RPS6KB2: variants seen among roughly 807,000 people sequenced by gnomAD.
RPS6KB2 encodes the protein ribosomal protein S6 kinase beta-2.
A neutral mutation model predicts 58.2 loss-of-function variants in RPS6KB2; 51 were observed. The observed-to-expected ratio is 0.88, with a 90% CI of 0.70 to 1.11. RPS6KB2 has a LOEUF of 1.11. Ranked by LOEUF, RPS6KB2 falls within the 50% of genes least tolerant of loss-of-function variation. The pLI is 0.00. For synonymous variants in RPS6KB2, 293 were observed against 258.6 expected, an observed-to-expected ratio of 1.13 and a Z score of -1.28; for missense variants, 671 against 655.8, an observed-to-expected ratio of 1.02 and a Z score of -0.25.
In RPS6KB2 at chr11:67,433,016, C is replaced by A; in HGVS notation, c.681C>A (p.His227Gln). 1 of 1,613,454 alleles carries A rather than the reference C, an allele frequency of 6.2e-7. No individual in the cohort carries two copies. Among genetic ancestry groups the A allele is most frequent in the Non-Finnish European group, 8.5e-7 (1 of 1,180,038 alleles). Residue 227 changes from histidine to glutamine, a missense_variant, in exon 8 of 15, where the codon CAC becomes CAA. Transcript: ENST00000312629. ...KESIHEGAVT[H>Q]TFCGTIEYMA... ...CTATCCATGAGGGCGCCGTCACTCACACCTTCTGCGGCACCATTGAGTACA... is the reference window on the plus strand; with the variant it reads ...CTATCCATGAGGGCGCCGTCACTCAAACCTTCTGCGGCACCATTGAGTACA...
Position 67,434,628 on chromosome 11 carries a change from G to T in RPS6KB2, c.1202G>T (p.Gly401Val). 6.2e-7 allele frequency: 1 copy of T among 1,610,132 alleles called. No homozygotes were observed. The change falls in exon 14 of 15, where the codon GGC becomes GTC. Residue 401 changes from glycine (G) to valine (V), a missense_variant. Gly to Val is a moderately radical substitution (Grantham distance 109). Coordinates refer to ENST00000312629, the MANE Select transcript of RPS6KB2 (RefSeq NM_003952.3). Reference protein sequence around the residue: ...APSVLDSIKEGFSFQPKLRSP... With the variant: ...APSVLDSIKEVFSFQPKLRSP... Reference sequence around the variant, plus strand: ...TCTGTCCTGGACAGCATCAAGGAGGGCTTCTCCTTCCAGCCCAAGCTGCGC... The same window carrying T: ...TCTGTCCTGGACAGCATCAAGGAGGTCTTCTCCTTCCAGCCCAAGCTGCGC...
rs985898691 is a variant in RPS6KB2 at position 67,431,685 on chromosome 11, C to T, written c.457+170C>T. 3 of 617,256 alleles carry T rather than the reference C, an allele frequency of 4.9e-6. No homozygotes were observed. The East Asian group carries it at 8.4e-5, about 17-fold the overall frequency. 38.2% of individuals were successfully genotyped at this position (617,256 alleles called of 1,614,324 possible). Reference sequence around the variant, plus strand: ...CCATCCGTGCATCCGTCCCATCATTCATTCATTCAGCAAACGTCTGTCCAG... The same window carrying T: ...CCATCCGTGCATCCGTCCCATCATTTATTCATTCAGCAAACGTCTGTCCAG... On this transcript the variant is annotated intron_variant, in intron 5 of 14. Transcript: ENST00000312629.
Position 67,429,182 on chromosome 11 carries a change from G to T in RPS6KB2, c.182G>T (p.Arg61Leu). The change falls in exon 3 of 15, where the codon CGC becomes CTC. Residue 61 changes from arginine to leucine, a missense_variant. Physicochemically the swap from Arg to Leu is moderately radical, Grantham distance 102. Coordinates refer to ENST00000312629, the MANE Select transcript of RPS6KB2 (RefSeq NM_003952.3). The part of the protein sequence containing the change: ...TETSVNVGPE[R>L]IGPHCFELLR... ...ACCAGCGTGAACGTTGGCCCAGAGC[G>T]CATCGGGCCCCACTGCTTTGAGCTG... The T allele has an allele frequency of 6.2e-7, 1 of 1,613,838 alleles. No individual in the cohort carries two copies. The highest frequency in any genetic ancestry group is 8.5e-7 in the Non-Finnish European group (1 of 1,180,024).
Position 67,432,734 on chromosome 11 carries a change from C to A in RPS6KB2, c.516-3C>A. ...CCGCCTTCACCCTGTCTTGTTTCTG[C>A]AGCTTCTACCTGGCTGAGATCACGC... On this transcript the variant is annotated splice_region_variant and splice_polypyrimidine_tract_variant and intron_variant, in intron 6 of 14. Coordinates refer to ENST00000312629, the MANE Select transcript of RPS6KB2 (RefSeq NM_003952.3). 6.2e-7 allele frequency: 1 copy of A among 1,614,150 alleles called. No individual in the cohort carries two copies. The highest frequency in any genetic ancestry group is 2.2e-5 in the East Asian group (1 of 44,886).
intron 7 of RPS6KB2, 23 bp from the exon 8 acceptor site, chr11:67,432,929 G>A (rs769886648): frequency 2.6e-5 from 42 of 1,612,168 alleles, no homozygotes; most frequent in East Asian, 4.5e-5. Flanking sequence ...CCCTGGTCAC[G>A]CCTCTCCAAC....
intron 14 of RPS6KB2, 21 bp downstream of exon 14, chr11:67,434,715 G>T: frequency 6.4e-7 from 1 of 1,560,000 alleles, no homozygotes; most frequent in Non-Finnish European, 8.7e-7. Context: ...ACGTGGGGGT[G>T]TGTGGCTGGG....
chr11:67,432,043 G>C (rs895814333), intron 5 of RPS6KB2: 1 of 327,956 alleles, frequency 3.0e-6, no homozygotes, highest in Middle Eastern at 1.1e-3. Context: ...TCAGAGTCCT[G>C]CGGCTGGCTG....
In RPS6KB2 at chr11:67,432,662, G is replaced by T. The variant is rs1326551408; in HGVS notation, c.515+5G>T. 1 of 1,614,148 alleles carries T rather than the reference G, an allele frequency of 6.2e-7. No individual in the cohort carries two copies. The highest frequency in any genetic ancestry group is 8.5e-7 in the Non-Finnish European group (1 of 1,179,990). ...CTTCCTGGAAGATACGGCCTGGTGGGTGTTAATCCTCCGCTTTCCTGAGGC... is the reference window on the plus strand; with the variant it reads ...CTTCCTGGAAGATACGGCCTGGTGGTTGTTAATCCTCCGCTTTCCTGAGGC... On this transcript the variant is annotated splice_donor_5th_base_variant and intron_variant, in intron 6 of 14. Coordinates refer to ENST00000312629, the MANE Select transcript of RPS6KB2 (RefSeq NM_003952.3).
Position 67,431,435 on chromosome 11 carries a change from T to C in RPS6KB2, c.377T>C (p.Val126Ala), listed in dbSNP as rs567236165. 6.2e-6 allele frequency: 10 copies of C among 1,614,068 alleles called. No homozygotes were observed. The highest frequency in any genetic ancestry group is 2.2e-5 in the East Asian group (1 of 44,874). The change falls in exon 5 of 15, where the codon GTG (valine) becomes GCG (alanine). Residue 126 changes from valine (V) to alanine (A), a missense_variant. Physicochemically the swap from Val to Ala is moderately conservative, Grantham distance 64. Transcript: ENST00000312629. ...TRAERNILES[V>A]KHPFIVELAY... ...GCTGAGCGGAACATTCTAGAGTCAG[T>C]GAAGCACCCCTTTATTGTGGAACTG... is the stretch of plus-strand genomic sequence containing the variant.
At chr11:67,430,783 G>C (rs1324878957) in intron 4 of RPS6KB2, 1 of 152,246 alleles carries the variant, frequency 6.6e-6, no homozygotes, top group Non-Finnish European at 1.5e-5. Context: ...ACTGGCACCC[G>C]GTGGGTGGAG....
chr11:67,435,022 GC>G lies in RPS6KB2; in HGVS notation c.1305del (p.Ser436AlafsTer58), dbSNP rs755619039. 1.2e-6 allele frequency: 2 copies of G among 1,613,292 alleles called. No individual in the cohort carries two copies. ...AGTTCTCCCCTTTTGAGGGGTTTCG[GC>G]CCAGCCCCAGCCTGCCGGAGCCCAC... ...LKFSPFEGFRPSPSLPEPTEL... is the reference protein window; with the variant it reads ...LKFSPFEGFRXSPSLPEPTEL... On this transcript the variant is annotated frameshift_variant, in exon 15 of 15. Coordinates refer to ENST00000312629, the MANE Select transcript of RPS6KB2 (RefSeq NM_003952.3). LOFTEE classifies it high-confidence loss of function.
rs745857359 is a variant in RPS6KB2 at position 67,434,664 on chromosome 11, G to A, written c.1238G>A (p.Arg413His). 13 of 1,610,076 alleles carry A rather than the reference G, an allele frequency of 8.1e-6. No individual in the cohort carries two copies. Among genetic ancestry groups the A allele is most frequent in the African/African-American group, 5.3e-5 (4 of 74,892 alleles). Residue 413 changes from arginine (R) to histidine (H), a missense_variant, in exon 14 of 15, where the codon CGC becomes CAC. Physicochemically the swap from Arg to His is conservative, Grantham distance 29. Transcript: ENST00000312629. ...CAGCCCAAGCTGCGCTCACCCAGGC[G>A]CCTCAACAGTAGCCCCCGGGCCCCC... The part of the protein sequence containing the change: ...SFQPKLRSPR[R>H]LNSSPRAPVS...
intron 5 of RPS6KB2, 81 bp downstream of exon 5, chr11:67,431,596 C>A: frequency 6.9e-7 from 1 of 1,457,224 alleles, no homozygotes; most frequent in Non-Finnish European, 9.4e-7. Context: ...GGGGGAAGCT[C>A]TTGAGAGATG....
rs1293988089 is a variant in RPS6KB2 at position 67,434,503 on chromosome 11, G to C, written c.1155+19G>C. On this transcript the variant is annotated intron_variant, in intron 13 of 14. Transcript: ENST00000312629. ...CTTCCTGGTGAGTGCGGGGGCCTGA[G>C]GCCTGTGGGACCAGGGCACGGATCG... 6.2e-7 allele frequency: 1 copy of C among 1,605,064 alleles called. No homozygotes were observed. The highest frequency in any genetic ancestry group is 1.3e-5 in the African/African-American group (1 of 74,906).
chr11:67,435,306 C>T lies in RPS6KB2; in HGVS notation c.*137C>T, dbSNP rs1218050302. On this transcript the variant is annotated 3_prime_UTR_variant, in exon 15 of 15. Transcript: ENST00000312629. ...GAGTGCGTATGAAAGTGTGTGTCTG[C>T]TGGGGCAGCTGTGCCCCTGAATCAT... 29 of 838,064 alleles carry T rather than the reference C, an allele frequency of 3.5e-5. No individual in the cohort carries two copies. The East Asian group carries it at 6.6e-4, about 19-fold the overall frequency. The allele number at this position is 838,064 out of a possible 1,614,324, so 51.9% of individuals were successfully genotyped here.
Position 67,429,260 on chromosome 11 carries a change from C to A in RPS6KB2, c.240+20C>A, listed in dbSNP as rs756738750. On this transcript the variant is annotated intron_variant, in intron 3 of 14. Transcript: ENST00000312629. The stretch of plus-strand genomic sequence containing the variant: ...GGCAAGGTAGGGGCGGGCGCACCCT[C>A]CTCCTGGCCTCACAGCCTCCATCTG... The A allele has an allele frequency of 6.2e-7, 1 of 1,610,886 alleles. No individual in the cohort carries two copies. Among genetic ancestry groups the A allele is most frequent in the East Asian group, 2.2e-5 (1 of 44,886 alleles).
chr11:67,434,938 G>C (rs1167577714), intron 14 of RPS6KB2, 51 bp from the exon 15 acceptor site: 1 of 1,537,580 alleles, frequency 6.5e-7, no homozygotes, highest in Non-Finnish European at 8.9e-7. Flanking sequence ...AGTGCTGGGA[G>C]CCTCTGGCAG....
Position 67,434,974 on chromosome 11 carries a change from T to C in RPS6KB2, c.1269-15T>C, listed in dbSNP as rs765827388. On this transcript the variant is annotated splice_polypyrimidine_tract_variant and intron_variant, in intron 14 of 14. Transcript: ENST00000312629. ...GGCCTAGGAGGCTCTTATTCTGCCT[T>C]GGTTTCCCCTGCAGCCCCCTCAAGT... 1 of 1,612,306 alleles carries C rather than the reference T, an allele frequency of 6.2e-7. No individual in the cohort carries two copies. Among genetic ancestry groups the C allele is most frequent in the South Asian group, 1.1e-5 (1 of 91,044 alleles).
intron 7 of RPS6KB2, 56 bp from the exon 8 acceptor site, chr11:67,432,896 G>A (rs1364813799): frequency 3.7e-6 from 6 of 1,608,212 alleles, no homozygotes; most frequent in Non-Finnish European, 5.1e-6. Context: ...GGAGGGCTGA[G>A]GACCTCTGTG....
Sources: allele counts gnomAD v4.1 joint callset, GRCh38; gene constraint gnomAD v4.1.1; transcripts MANE v1.5; gene names NCBI Gene and HGNC (gene_info 2026-07-23, HGNC 2026-07-21).